STK32B: variants seen among roughly 807,000 people sequenced by gnomAD.
The protein encoded by STK32B is serine/threonine kinase 32B, also known as serine/threonine-protein kinase 32B.
Under a neutral mutation model 52.6 loss-of-function variants are expected in STK32B, and 43 were observed. The ratio of observed to expected loss-of-function variants is 0.82; its 90% CI spans 0.64 to 1.05. The LOEUF is 1.05. STK32B is among the 50% of genes least tolerant of loss of function. The probability of loss-of-function intolerance (pLI) is 0.00; values close to 1 mark genes in which losing one functional copy is unlikely to be tolerated. For missense variants in STK32B, 621 were observed against 534.6 expected (o/e 1.16, Z -1.59); for synonymous variants, 238 against 204.3 (o/e 1.17, Z -1.41).
At chr4:5,109,283 T>TATTC (rs982919755) in intron 1 of STK32B, among the ~76,000 whole-genome samples, 8 of 152,342 alleles carry the variant, frequency 5.3e-5, no homozygotes, top group East Asian at 3.9e-4. Flanking sequence ...CAGGGCTAGT[T>TATTC]ATTCATTCAT....
At chr4:5,039,996 C>T in the STK32B span, among the ~76,000 whole-genome samples, 1 of 152,200 alleles carries the variant, frequency 6.6e-6, no homozygotes, top group Non-Finnish European at 1.5e-5. Flanking sequence ...CGGCTACTTC[C>T]TTGTGGTTGC....
chr4:5,310,081 G>T (rs981282781), intron 3 of STK32B, among the ~76,000 whole-genome samples: 1 of 152,054 alleles, frequency 6.6e-6, no homozygotes, highest in Non-Finnish European at 1.5e-5. Context: ...CAGGAGAATC[G>T]CTTGAACCCA....
At chr4:5,132,545 C>T (rs1043973006) in intron 1 of STK32B, among the ~76,000 whole-genome samples, 6 of 152,092 alleles carry the variant, frequency 3.9e-5, no homozygotes, top group African/African-American at 9.7e-5. Flanking sequence ...AAGCAGAAGT[C>T]GCAGTAATAT....
chr4:5,477,062 A>C (rs1322614580), intron 11 of STK32B, among the ~76,000 whole-genome samples: 1 of 152,172 alleles, frequency 6.6e-6, no homozygotes, highest in Non-Finnish European at 1.5e-5. Context: ...TTAAGCCACC[A>C]AGTTTGCGGA....
At chr4:5,204,203 TA>T (rs1176793235) in intron 3 of STK32B, 4 of 152,162 alleles carry the variant, frequency 2.6e-5, no homozygotes, top group African/African-American at 7.2e-5. Flanking sequence ...AGAATTGTAT[TA>T]ATAGATCTCT....
intron 3 of STK32B, among the ~76,000 whole-genome samples, chr4:5,324,075 C>CG (rs1731712891): frequency 2.0e-5 from 3 of 152,310 alleles, no homozygotes; most frequent in Admixed American, 1.3e-4. Context: ...GCACTTAGGC[C>CG]GGGCACGGCA....
At chr4:5,319,170 A>G (rs1248673967) in intron 3 of STK32B, among the ~76,000 whole-genome samples, 2 of 152,204 alleles carry the variant, frequency 1.3e-5, no homozygotes, top group Non-Finnish European at 1.5e-5. Flanking sequence ...TTGACTCATA[A>G]TAACTCCTGA....
chr4:5,378,054 T>G lies in STK32B; in HGVS notation c.435-20153T>G, dbSNP rs1686278349. ...AAAGGGTAGTGGGAATTAGCAAATG[T>G]TACTGAGATGTTAAAGACGTAATAG... On this transcript the variant is annotated intron_variant, in intron 4 of 11. Coordinates refer to ENST00000282908, the MANE Select transcript of STK32B (RefSeq NM_018401.3). This position sits in a 1 kb window ranked among gnomAD's most constrained non-coding sequence, Gnocchi z 4.4. Among the ~76,000 whole-genome samples, 1 of 152,224 alleles carries G rather than the reference T, an allele frequency of 6.6e-6. No individual in the cohort carries two copies. The highest frequency in any genetic ancestry group is 1.5e-5 in the Non-Finnish European group (1 of 68,038).
intron 4 of STK32B, among the ~76,000 whole-genome samples, chr4:5,373,341 A>AT (rs200264612): frequency 1.6e-3 from 241 of 152,344 alleles, no homozygotes; most frequent in Middle Eastern, 0.01. Flanking sequence ...ATGTGATCCA[A>AT]TGGTGTAGTT....
At chr4:5,303,438 G>A (rs1729710887) in intron 3 of STK32B, among the ~76,000 whole-genome samples, 1 of 152,120 alleles carries the variant, frequency 6.6e-6, no homozygotes, top group South Asian at 2.1e-4. Flanking sequence ...AATTAGTGAT[G>A]TTGAGCATTT....
chr4:5,084,608 T>G (rs1048724211), intron 1 of STK32B, among the ~76,000 whole-genome samples: 2 of 152,198 alleles, frequency 1.3e-5, no homozygotes, highest in African/African-American at 4.8e-5. Context: ...ATGCAAGGTT[T>G]TCAGATTTTT....
At position 5,329,546 on chromosome 4, in the gene STK32B, C is replaced by A. The variant is rs538517005; in HGVS notation, c.261-1674C>A. On this transcript the variant is annotated intron_variant, in intron 3 of 11. Coordinates refer to ENST00000282908, the MANE Select transcript of STK32B (RefSeq NM_018401.3). ...CACTGGCCTCCTCCTTTCCCACACT[C>A]GCCTGCACCCTGGAAAGACTCCTAG... Among the ~76,000 whole-genome samples the A allele has an allele frequency of 2.0e-5, 3 of 152,278 alleles. No individual in the cohort carries two copies. In the East Asian group the frequency reaches 5.8e-4, roughly 29 times the overall value.
rs74809824 is a variant in STK32B, at chr4:5,072,981, A to G, written c.52+21066A>G. Among the ~76,000 whole-genome samples the G allele has an allele frequency of 9.0e-3, 1,372 of 152,240 alleles. 13 individuals are homozygous for G. The highest frequency in any genetic ancestry group is 0.031 in the African/African-American group (1,307 of 41,568). ...TATTCTCTTTATCTCTGAAAATACT[A>G]CTTGTTTTGAATTCGACATGGCTGC... is the stretch of plus-strand genomic sequence containing the variant. On this transcript the variant is annotated intron_variant, in intron 1 of 11. Coordinates refer to ENST00000282908, the MANE Select transcript of STK32B (RefSeq NM_018401.3).
At chr4:5,477,947 A>T (rs1460103667) in intron 11 of STK32B, among the ~76,000 whole-genome samples, 2 of 152,018 alleles carry the variant, frequency 1.3e-5, no homozygotes, top group African/African-American at 4.8e-5. Flanking sequence ...GACCCAGCAA[A>T]CCTCACCCTT....
In STK32B at chr4:5,299,963, G is replaced by A. The variant is rs557900273; in HGVS notation, c.261-31257G>A. 2.4e-3 allele frequency among the ~76,000 whole-genome samples: 358 copies of A among 152,066 alleles called. 3 individuals carry two copies. The highest frequency in any genetic ancestry group is 3.7e-3 in the Non-Finnish European group (254 of 67,972). ...ATGAAACTAGTATCATTCTGATACC[G>A]AAATCCAGCAAAGATATAACAAAAA... is the stretch of plus-strand genomic sequence containing the variant. On this transcript the variant is annotated intron_variant, in intron 3 of 11. Coordinates refer to ENST00000282908, the MANE Select transcript of STK32B (RefSeq NM_018401.3).
rs183958169 is a variant in STK32B at position 5,446,151 on chromosome 4, C to T, written c.563-522C>T. Among the ~76,000 whole-genome samples the T allele has an allele frequency of 5.3e-5, 8 of 152,346 alleles. No homozygotes were observed. The East Asian group carries it at 5.8e-4, about 11-fold the overall frequency. ...CAGGGCATCCCATCTGCATTCCACCCGGTAGTGTCACGCCAGTGCTTCCTG... is the reference window on the plus strand; with the variant it reads ...CAGGGCATCCCATCTGCATTCCACCTGGTAGTGTCACGCCAGTGCTTCCTG... On this transcript the variant is annotated intron_variant, in intron 6 of 11. Transcript: ENST00000282908.
chr4:5,401,539 A>G (rs558538791), intron 5 of STK32B, among the ~76,000 whole-genome samples: 15 of 152,300 alleles, frequency 9.8e-5, no homozygotes, highest in African/African-American at 3.4e-4. Context: ...TCAGGGTTTT[A>G]TGTCTTGGAA....
intron 1 of STK32B, among the ~76,000 whole-genome samples, chr4:5,085,009 C>A (rs1322464396): frequency 6.6e-6 from 1 of 152,178 alleles, no homozygotes; most frequent in Non-Finnish European, 1.5e-5. Flanking sequence ...CAGTTATTAA[C>A]TGTGCTTTAA....
intron 1 of STK32B, among the ~76,000 whole-genome samples, chr4:5,100,997 C>T (rs1243715228): frequency 6.6e-6 from 1 of 152,050 alleles, no homozygotes; most frequent in East Asian, 1.9e-4. Flanking sequence ...CTCATGGGCT[C>T]AAGTAATCCA....
Sources: allele counts gnomAD v4.1 joint callset (sites outside exome capture counted in the v4.1 genomes callset), GRCh38; gene constraint gnomAD v4.1.1; non-coding constraint Gnocchi (gnomAD v3.1); transcripts MANE v1.5; gene names NCBI Gene and HGNC (gene_info 2026-07-23, HGNC 2026-07-21).